Variants in C4orf50 observed in about 807,000 individuals in gnomAD.
C4orf50 encodes chromosome 4 open reading frame 50.
In C4orf50, 80 loss-of-function variants were observed where a neutral mutation model predicts 77.2. The observed-to-expected ratio is 1.04, with a 90% CI of 0.87 to 1.25. C4orf50 has a LOEUF of 1.25. Ranked by LOEUF, C4orf50 falls within the 50% of genes most tolerant of loss-of-function variation. The pLI is 0.00. For synonymous variants in C4orf50, 532 were observed against 465.3 expected, an observed-to-expected ratio of 1.14 and a Z score of -1.84; for missense variants, 1,257 against 1,152.9, an observed-to-expected ratio of 1.09 and a Z score of -1.31.
chr4:5,908,764 G>C lies in C4orf50; in HGVS notation c.*2475-10576C>G, dbSNP rs1716664235. On this transcript the variant is annotated intron_variant, in intron 7 of 7. Transcript: ENST00000324058. The surrounding 1 kb of genome is among the most constrained non-coding windows in gnomAD (Gnocchi z 5.6). ...AGCTCCCAAGGTCATGCAGCCTTCA[G>C]TGGGGATGCACAGGGGATGTGGGAA... Among the ~76,000 whole-genome samples, 1 of 152,196 alleles carries C rather than the reference G, an allele frequency of 6.6e-6. No individual in the cohort carries two copies. The highest frequency in any genetic ancestry group is 1.5e-5 in the Non-Finnish European group (1 of 68,038).
chr4:5,919,417 G>A lies in C4orf50; in HGVS notation c.*2475-21229C>T, dbSNP rs1717171799. The stretch of plus-strand genomic sequence containing the variant: ...CTGTAGGCAGTGGACTGAGGCAGGG[G>A]CAGGTGGGGGTGGGGGGCACACCCT... On this transcript the variant is annotated intron_variant, in intron 7 of 7. Transcript: ENST00000324058. The surrounding 1 kb of genome is among the most constrained non-coding windows in gnomAD (Gnocchi z 6.5). 1.3e-5 allele frequency among the ~76,000 whole-genome samples: 2 copies of A among 151,552 alleles called. No individual in the cohort carries two copies. The highest frequency in any genetic ancestry group is 2.9e-5 in the Non-Finnish European group (2 of 67,904).
chr4:5,980,012 G>GTT (rs1388179776), intron 29 of C4orf50, among the ~76,000 whole-genome samples, 162 bp downstream of exon 7: 1 of 150,904 alleles, frequency 6.6e-6, no homozygotes, highest in East Asian at 2.0e-4. Context: ...GTGGTTTTTT[G>GTT]TTGTTTTTTT....
At chr4:5,996,795 G>A (rs566509530) in intron 25 of C4orf50, among the ~76,000 whole-genome samples, 16 of 152,298 alleles carry the variant, frequency 1.1e-4, no homozygotes, top group South Asian at 6.2e-4. Context: ...TGAGGGCCTG[G>A]GCAGCGACAT....
rs1001649602 is a variant in C4orf50, at chr4:6,011,108, C to T, written c.426+722G>A. Among the ~76,000 whole-genome samples, 2 of 152,164 alleles carry T rather than the reference C, an allele frequency of 1.3e-5. No individual in the cohort carries two copies. The highest frequency in any genetic ancestry group is 2.9e-5 in the Non-Finnish European group (2 of 68,030). On this transcript the variant is annotated intron_variant, in intron 24 of 33. Transcript: ENST00000531445. The surrounding 1 kb of genome is among the most constrained non-coding windows in gnomAD (Gnocchi z 4.2). The stretch of plus-strand genomic sequence containing the variant: ...TTCTCCAGAGAGCTCTCGAACTTCT[C>T]CCCCTGCCTCCATCATCTCTCTCTC...
chr4:5,973,629 G>A, intron 31 of C4orf50, 30 bp downstream of exon 9: 2 of 1,578,708 alleles, frequency 1.3e-6, no homozygotes, highest in Non-Finnish European at 1.7e-6. Flanking sequence ...CCCATAGGAA[G>A]CACAGACAGG....
At chr4:5,926,024 C>T (rs1202843005) in intron 7 of C4orf50, among the ~76,000 whole-genome samples, 1 of 152,206 alleles carries the variant, frequency 6.6e-6, no homozygotes, top group Non-Finnish European at 1.5e-5. Flanking sequence ...AAGGCGGAGC[C>T]ACGCACAGAT....
At chr4:5,921,361 G>A (rs1203764681) in intron 7 of C4orf50, among the ~76,000 whole-genome samples, 1 of 152,240 alleles carries the variant, frequency 6.6e-6, no homozygotes, top group Non-Finnish European at 1.5e-5. Context: ...GGCTGGGGGA[G>A]GAGCCTGAGG....
chr4:5,927,704 G>C (rs556524343), intron 7 of C4orf50, among the ~76,000 whole-genome samples: 1 of 152,042 alleles, frequency 6.6e-6, no homozygotes, highest in Non-Finnish European at 1.5e-5. Flanking sequence ...CTTCTGCCAT[G>C]ATTGTAAGTT....
intron 7 of C4orf50, among the ~76,000 whole-genome samples, chr4:5,906,755 G>T (rs147469517): frequency 2.0e-5 from 3 of 152,196 alleles, no homozygotes; most frequent in East Asian, 1.9e-4. Flanking sequence ...GGCATTGTTC[G>T]TGTAGGTGTC....
intron 27 of C4orf50, among the ~76,000 whole-genome samples, chr4:5,991,407 G>T (rs937665305): frequency 6.6e-6 from 1 of 152,112 alleles, no homozygotes; most frequent in Non-Finnish European, 1.5e-5. Flanking sequence ...TGGTGCAGGT[G>T]GTCCACTCCC....
Position 5,967,532 on chromosome 4 carries a change from A to G in C4orf50, c.4105-70T>C, listed in dbSNP as rs77643593. The stretch of plus-strand genomic sequence containing the variant: ...GAGACAGCCTTGCACAGAAGACTGC[A>G]ATTGGACCAAGCAGGGCCATCACCC... On this transcript the variant is annotated intron_variant, in intron 31 of 33. Coordinates refer to ENST00000531445, the Ensembl canonical transcript of C4orf50. 5,849 of 1,381,920 alleles carry G rather than the reference A, an allele frequency of 4.2e-3. 226 individuals are homozygous for G. In the African/African-American group the frequency reaches 0.075, roughly 18 times the overall value. The allele number at this position is 1,381,920 out of a possible 1,614,324, so 85.6% of individuals were successfully genotyped here.
At chr4:5,973,975 C>A in intron 30 of C4orf50, 134 bp from the exon 9 acceptor site, 1 of 712,646 alleles carries the variant, frequency 1.4e-6, no homozygotes, top group Non-Finnish European at 2.2e-6. Flanking sequence ...GCGGAGCAGC[C>A]TCCTCCCTGC....
At chr4:5,930,392 A>G (rs181348269) in intron 7 of C4orf50, among the ~76,000 whole-genome samples, 81 of 152,292 alleles carry the variant, frequency 5.3e-4, no homozygotes, top group African/African-American at 1.9e-3. Context: ...TTGACTTCCT[A>G]TCCCCGCAGG....
rs551137991 is a variant in C4orf50 at position 5,973,609 on chromosome 4, C to T, written c.4104+50G>A. 3.6e-5 allele frequency: 53 copies of T among 1,473,368 alleles called. 1 individual carries two copies. The highest frequency in any genetic ancestry group is 1.3e-4 in the Admixed American group (7 of 55,664). The allele number at this position is 1,473,368 out of a possible 1,614,324, so 91.3% of individuals were successfully genotyped here. ...GTCAGGCAGGGGCATGCAAGGGACG[C>T]GCCCACACTCCCATAGGAAGCACAG... On this transcript the variant is annotated intron_variant, in intron 31 of 33. Transcript: ENST00000531445.
At chr4:5,897,705 C>T (rs959378696) in exon 8 of C4orf50, 24 of 152,130 alleles carry the variant, frequency 1.6e-4, no homozygotes, top group African/African-American at 5.1e-4. Context: ...GAGAAAATGC[C>T]GGCCTATTTT....
intron 7 of C4orf50, among the ~76,000 whole-genome samples, chr4:5,935,327 G>GA (rs1318917946): frequency 6.6e-6 from 1 of 152,202 alleles, no homozygotes; most frequent in African/African-American, 2.4e-5. Flanking sequence ...GGGGGAATTA[G>GA]AAGATAGAGA....
chr4:5,995,474 AACACACACACACACACACACACAC>A (rs55858229), intron 25 of C4orf50, among the ~76,000 whole-genome samples: 2 of 133,956 alleles, frequency 1.5e-5, no homozygotes, highest in Non-Finnish European at 3.2e-5. Flanking sequence ...TGGGACTGGA[AACACACACACACACACACACACAC>A]ACACACACAC....
At chr4:5,977,410 CA>C (rs1286490462) in intron 29 of C4orf50, among the ~76,000 whole-genome samples, 2 of 152,156 alleles carry the variant, frequency 1.3e-5, no homozygotes. Context: ...TTATACTGTG[CA>C]AAAGGTCTTG....
At chr4:5,976,439 G>A (rs1720290778) in intron 29 of C4orf50, among the ~76,000 whole-genome samples, 1 of 132,022 alleles carries the variant, frequency 7.6e-6, no homozygotes, top group Non-Finnish European at 1.5e-5. Context: ...CTGGGCGAGA[G>A]AGCGAGGCTC....
Sources: gnomAD v4.1 joint callset for allele counts (sites outside exome capture counted in the v4.1 genomes callset) on GRCh38, gnomAD v4.1.1 for gene constraint, Gnocchi (gnomAD v3.1) non-coding constraint, MANE v1.5 for transcripts, NCBI Gene and HGNC (gene_info 2026-07-23, HGNC 2026-07-21) for gene names.